The following KCNT2 variants were observed in gnomAD, a reference collection of about 807,000 sequenced individuals.
KCNT2 encodes potassium channel subfamily T member 2.
In KCNT2, 67 loss-of-function variants were observed where a neutral mutation model predicts 153.8. That is an observed-to-expected ratio of 0.44 (90% CI 0.36 to 0.53). The LOEUF (loss-of-function observed/expected upper bound fraction) is 0.53. KCNT2 is among the 20% of genes least tolerant of loss of function. The probability of loss-of-function intolerance (pLI) is 0.00; values close to 1 mark genes in which losing one functional copy is unlikely to be tolerated. For missense variants in KCNT2, 975 were observed against 1,354.8 expected (o/e 0.72, Z 4.40); for synonymous variants, 500 against 458.8 (o/e 1.09, Z -1.15).
chr1:196,469,998 T>C (rs1330279214), intron 5 of KCNT2, among the ~76,000 whole-genome samples: 1 of 152,208 alleles, frequency 6.6e-6, no homozygotes, highest in Non-Finnish European at 1.5e-5. Context: ...ACTGCACTGA[T>C]GGAATATACT....
In KCNT2 at chr1:196,348,411, G is replaced by A. The variant is rs552105059; in HGVS notation, c.1404-6183C>T. 9.2e-5 allele frequency among the ~76,000 whole-genome samples: 14 copies of A among 152,192 alleles called. No individual in the cohort carries two copies. In the South Asian group the frequency reaches 2.9e-3, roughly 32 times the overall value. ...TAAGATGTGTTTACAGCAACTAAAT[G>A]AACATTTAGGAGAAATAAGAGGCTT... is the stretch of plus-strand genomic sequence containing the variant. On this transcript the variant is annotated intron_variant, in intron 14 of 27. Coordinates refer to ENST00000294725, the MANE Select transcript of KCNT2 (RefSeq NM_198503.5).
intron 17 of KCNT2, among the ~76,000 whole-genome samples, chr1:196,332,834 G>A (rs1444099798): frequency 1.3e-5 from 2 of 150,356 alleles, no homozygotes; most frequent in African/African-American, 2.5e-5. Flanking sequence ...GCCCTGGCTG[G>A]ACTGCAGTGG....
At chr1:196,568,488 C>T (rs1413953163) in intron 1 of KCNT2, among the ~76,000 whole-genome samples, 2 of 151,418 alleles carry the variant, frequency 1.3e-5, no homozygotes, top group Admixed American at 6.6e-5. Context: ...CCCAGCTACA[C>T]GGAAGCCTGA....
chr1:196,513,683 G>A (rs1014346083), intron 1 of KCNT2, among the ~76,000 whole-genome samples: 9 of 151,936 alleles, frequency 5.9e-5, no homozygotes, highest in African/African-American at 2.2e-4. Flanking sequence ...TTCCTCCCTA[G>A]TCTTAGTGAA....
chr1:196,509,460 A>G lies in KCNT2; in HGVS notation c.96-17119T>C, dbSNP rs1681431025. ...AAATCTTAGTTACCTAACGTTGAAT[A>G]AAAGATGCAAGCCTAAGACTATATG... On this transcript the variant is annotated intron_variant, in intron 1 of 27. Coordinates refer to ENST00000294725, the MANE Select transcript of KCNT2 (RefSeq NM_198503.5). Among the ~76,000 whole-genome samples the G allele has an allele frequency of 2.0e-5, 3 of 152,302 alleles. No individual in the cohort carries two copies. The East Asian group carries it at 5.8e-4, about 29-fold the overall frequency.
At chr1:196,260,768 T>TTA (rs1656939900) in intron 25 of KCNT2, among the ~76,000 whole-genome samples, 1 of 151,860 alleles carries the variant, frequency 6.6e-6, no homozygotes, top group Non-Finnish European at 1.5e-5. Flanking sequence ...TTGAGTTCTG[T>TTA]TTTGAATGTT....
At chr1:196,323,013 A>C (rs1206642226) in intron 19 of KCNT2, among the ~76,000 whole-genome samples, 1 of 151,954 alleles carries the variant, frequency 6.6e-6, no homozygotes, top group Non-Finnish European at 1.5e-5. Context: ...TTTTATATAC[A>C]TTATCTACAT....
intron 1 of KCNT2, among the ~76,000 whole-genome samples, chr1:196,599,230 A>G (rs1315459422): frequency 6.6e-6 from 1 of 152,228 alleles, no homozygotes; most frequent in Non-Finnish European, 1.5e-5. Context: ...GTTAACAACT[A>G]GTTGTTTATA....
At chr1:196,461,560 T>C (rs1360822423) in intron 8 of KCNT2, among the ~76,000 whole-genome samples, 6 of 151,832 alleles carry the variant, frequency 4.0e-5, no homozygotes, top group Non-Finnish European at 7.4e-5. Context: ...AAATTCATTA[T>C]AAATGATAGT....
At chr1:196,448,559 T>C (rs1479959688) in intron 8 of KCNT2, among the ~76,000 whole-genome samples, 2 of 151,650 alleles carry the variant, frequency 1.3e-5, no homozygotes, top group Non-Finnish European at 3.0e-5. Flanking sequence ...AAGCTTTTTA[T>C]AATGTTTATA....
rs1376163619 is a variant in KCNT2, at chr1:196,431,894, A to T, written c.639-2137T>A. Among the ~76,000 whole-genome samples the T allele has an allele frequency of 4.6e-5, 7 of 152,122 alleles. No homozygotes were observed. The East Asian group carries it at 1.4e-3, about 29-fold the overall frequency. ...ACTATGTGATAAGGAGACTCTTGTA[A>T]GATAAAAGGAAGCCAGGTGGTCTTC... On this transcript the variant is annotated intron_variant, in intron 8 of 27. Coordinates refer to ENST00000294725, the MANE Select transcript of KCNT2 (RefSeq NM_198503.5).
At chr1:196,558,324 G>C (rs1465042372) in intron 1 of KCNT2, among the ~76,000 whole-genome samples, 1 of 151,062 alleles carries the variant, frequency 6.6e-6, no homozygotes, top group African/African-American at 2.4e-5. Flanking sequence ...CATTAATAAG[G>C]TCATAAAGTA....
chr1:196,410,805 C>T (rs1465375525), intron 12 of KCNT2, among the ~76,000 whole-genome samples: 1 of 151,322 alleles, frequency 6.6e-6, no homozygotes, highest in East Asian at 1.9e-4. Context: ...TCAAGCTTTT[C>T]CTCTGTTTCA....
chr1:196,281,672 T>C (rs1447001912), intron 24 of KCNT2, among the ~76,000 whole-genome samples: 1 of 152,056 alleles, frequency 6.6e-6, no homozygotes, highest in Admixed American at 6.5e-5. Flanking sequence ...AACAAAGGAG[T>C]TAAAAAGCAT....
intron 8 of KCNT2, among the ~76,000 whole-genome samples, chr1:196,435,704 A>G (rs1314902163): frequency 6.6e-6 from 1 of 151,754 alleles, no homozygotes; most frequent in Non-Finnish European, 1.5e-5. Context: ...AGTTTAGTAC[A>G]TACTAAAGCA....
At chr1:196,425,716 G>C (rs1673600230) in intron 11 of KCNT2, 136 bp downstream of exon 11, 8 of 803,448 alleles carry the variant, frequency 1.0e-5, no homozygotes, top group Non-Finnish European at 1.6e-5. Flanking sequence ...CCAGCAGAGG[G>C]ACTAAGGCAA....
chr1:196,492,317 A>T lies in KCNT2; in HGVS notation c.120T>A (p.Asn40Lys), dbSNP rs568420053. 2.6e-5 allele frequency: 37 copies of T among 1,435,432 alleles called. No individual in the cohort carries two copies. In the African/African-American group the frequency reaches 5.0e-4, roughly 19 times the overall value. 88.9% of individuals were successfully genotyped at this position (1,435,432 alleles called of 1,614,324 possible). A position where few individuals can be genotyped will look rare whatever the true frequency, so the allele number is the denominator to read the frequency against. The change falls in exon 2 of 28, where the codon AAT becomes AAA. Residue 40 changes from asparagine (N) to lysine (K), a missense_variant. Transcript: ENST00000294725. Reference protein sequence around the residue: ...DDRVQVEFYMNENTFKERLKL... With the variant: ...DDRVQVEFYMKENTFKERLKL... Reference sequence around the variant, plus strand: ...TTAGTCTTTCTTTAAATGTATTTTCATTCATATAGAATTCAACTTGTACCC... The same window carrying T: ...TTAGTCTTTCTTTAAATGTATTTTCTTTCATATAGAATTCAACTTGTACCC...
At chr1:196,386,272 T>C (rs1015541681) in intron 13 of KCNT2, among the ~76,000 whole-genome samples, 2 of 152,164 alleles carry the variant, frequency 1.3e-5, no homozygotes, top group Admixed American at 1.3e-4. Context: ...ATCATAAATA[T>C]CCAGATTATT....
In KCNT2 at chr1:196,608,409, T is replaced by C; in HGVS notation, c.-100A>G. On this transcript the variant is annotated 5_prime_UTR_variant, in exon 1 of 28. Coordinates refer to ENST00000294725, the MANE Select transcript of KCNT2 (RefSeq NM_198503.5). ...TACAGGGAGAGGACTAACAAGACGC[T>C]GTGGCCGAGAGAGGGATGGGAGAAG... 1 of 865,040 alleles carries C rather than the reference T, an allele frequency of 1.2e-6. No individual in the cohort carries two copies. Among genetic ancestry groups the C allele is most frequent in the Middle Eastern group, 2.3e-4 (1 of 4,408 alleles). The allele number at this position is 865,040 out of a possible 1,614,324, so 53.6% of individuals were successfully genotyped here. A position where few individuals can be genotyped will look rare whatever the true frequency, so the allele number is the denominator to read the frequency against.
Sources: allele counts gnomAD v4.1 joint callset (sites outside exome capture counted in the v4.1 genomes callset), GRCh38; gene constraint gnomAD v4.1.1; transcripts MANE v1.5; gene names NCBI Gene and HGNC (gene_info 2026-07-23, HGNC 2026-07-21).